THADA: variants seen among roughly 807,000 people sequenced by gnomAD.
THADA encodes the protein THADA armadillo repeat containing, also known as tRNA (32-2'-O)-methyltransferase regulator THADA.
Under a neutral mutation model 219.8 loss-of-function variants are expected in THADA, and 213 were observed. The ratio of observed to expected loss-of-function variants is 0.97; its 90% CI spans 0.87 to 1.09. The LOEUF (loss-of-function observed/expected upper bound fraction) is 1.09. Among genes scored for constraint, THADA ranks in the 50% least tolerant of loss-of-function variants. The pLI is 0.00. For missense variants in THADA, 2,956 were observed against 2,311.3 expected, an observed-to-expected ratio of 1.28 and a Z score of -5.72; for synonymous variants, 1,018 against 828.9, an observed-to-expected ratio of 1.23 and a Z score of -3.92.
chr2:43,465,487 G>C (rs895139807), intron 26 of THADA, among the ~76,000 whole-genome samples: 3 of 152,272 alleles, frequency 2.0e-5, no homozygotes, highest in Admixed American at 6.5e-5. Flanking sequence ...TTGGGAGGAA[G>C]AGCCCACAAA....
At chr2:43,403,921 T>C (rs1211429994) in intron 28 of THADA, among the ~76,000 whole-genome samples, 1 of 152,154 alleles carries the variant, frequency 6.6e-6, no homozygotes. Flanking sequence ...TGTCAGCTCC[T>C]GGGAAATGGT....
chr2:43,255,492 T>G (rs1572793467), intron 36 of THADA, among the ~76,000 whole-genome samples: 1 of 152,316 alleles, frequency 6.6e-6, no homozygotes, highest in East Asian at 1.9e-4. Context: ...TCATTGTTTT[T>G]CACTGCTGTG....
intron 25 of THADA, among the ~76,000 whole-genome samples, chr2:43,487,760 GCTAT>G (rs2105021169): frequency 6.6e-6 from 1 of 152,286 alleles, no homozygotes; most frequent in Admixed American, 6.5e-5. Context: ...GCTAAAAGGT[GCTAT>G]CTATGAACCA....
At chr2:43,314,231 C>T (rs930864180) in intron 31 of THADA, among the ~76,000 whole-genome samples, 8 of 152,104 alleles carry the variant, frequency 5.3e-5, no homozygotes, top group African/African-American at 1.9e-4. Flanking sequence ...TCTATGATTG[C>T]TATGTCATTT....
rs1291065504 is a variant in THADA at position 43,430,220 on chromosome 2, C to T, written c.3919G>A (p.Val1307Ile). 6.5e-7 allele frequency: 1 copy of T among 1,530,716 alleles called. No homozygotes were observed. Among genetic ancestry groups the T allele is most frequent in the Non-Finnish European group, 8.8e-7 (1 of 1,135,754 alleles). 94.8% of individuals were successfully genotyped at this position (1,530,716 alleles called of 1,614,324 possible). A position where few individuals can be genotyped will look rare whatever the true frequency, so the allele number is the denominator to read the frequency against. Residue 1307 changes from valine to isoleucine, a missense_variant, in exon 27 of 38, where the codon GTA becomes ATA. Coordinates refer to ENST00000405975, the MANE Select transcript of THADA (RefSeq NM_022065.5). ...LKQLETVANT[V>I]DSDMGEPNRH... is the part of the protein sequence containing the mutation. ...ACCCAATTCTCTTCTTACCTGTCTA[C>T]TGTATTGGCTACAGTTTCCAACTGT... is the stretch of plus-strand genomic sequence containing the variant.
rs529231173 is a variant in THADA at position 43,584,397 on chromosome 2, T to G, written c.533+2004A>C. 3.0e-4 allele frequency among the ~76,000 whole-genome samples: 45 copies of G among 151,902 alleles called. No homozygotes were observed. In the South Asian group the frequency reaches 9.2e-3, roughly 31 times the overall value. On this transcript the variant is annotated intron_variant, in intron 7 of 37. Coordinates refer to ENST00000405975, the MANE Select transcript of THADA (RefSeq NM_022065.5). Reference sequence around the variant, plus strand: ...ACCAAAGTGGACATTATTAAGCAGTTCAAACGAACAAAATAAAAAGGACAG... The same window carrying G: ...ACCAAAGTGGACATTATTAAGCAGTGCAAACGAACAAAATAAAAAGGACAG...
At chr2:43,373,067 C>T (rs183562855) in intron 29 of THADA, among the ~76,000 whole-genome samples, 1 of 151,854 alleles carries the variant, frequency 6.6e-6, no homozygotes, top group East Asian at 1.9e-4. Flanking sequence ...AATAGGAAAA[C>T]AAAGAGGAAA....
chr2:43,293,456 G>A (rs562708298), intron 31 of THADA, among the ~76,000 whole-genome samples: 4 of 152,092 alleles, frequency 2.6e-5, no homozygotes, highest in South Asian at 4.2e-4. Flanking sequence ...TAGAAAATGC[G>A]TTCCTGGCAC....
chr2:43,272,212 G>C (rs1174980053), intron 36 of THADA, among the ~76,000 whole-genome samples: 1 of 152,238 alleles, frequency 6.6e-6, no homozygotes, highest in East Asian at 1.9e-4. Flanking sequence ...GAGTGGCTAG[G>C]GGAGGAGCGG....
chr2:43,377,912 T>C (rs1671563614), intron 29 of THADA, among the ~76,000 whole-genome samples: 1 of 152,122 alleles, frequency 6.6e-6, no homozygotes, highest in Admixed American at 6.5e-5. Context: ...AGAATTCACA[T>C]TCCAGGAACT....
At chr2:43,396,299 G>A (rs1011439118) in intron 29 of THADA, among the ~76,000 whole-genome samples, 3 of 152,108 alleles carry the variant, frequency 2.0e-5, no homozygotes, top group African/African-American at 7.2e-5. Flanking sequence ...TCTGCTTAGA[G>A]GTCACTTCCT....
chr2:43,456,573 A>G (rs1254640383), intron 26 of THADA, among the ~76,000 whole-genome samples: 1 of 151,814 alleles, frequency 6.6e-6, no homozygotes, highest in Non-Finnish European at 1.5e-5. Flanking sequence ...TTTTTTTTTA[A>G]GCAGAGTCTC....
At chr2:43,553,629 T>C (rs72867043) in intron 17 of THADA, among the ~76,000 whole-genome samples, 4,496 of 152,294 alleles carry the variant, frequency 0.03, 221 homozygotes, top group African/African-American at 0.1. Context: ...GCTAAGACAA[T>C]GCCTAAGAGT....
chr2:43,248,126 C>T (rs1310190190), intron 36 of THADA, among the ~76,000 whole-genome samples: 1 of 102,950 alleles, frequency 9.7e-6, no homozygotes, highest in Non-Finnish European at 1.9e-5. Context: ...CTGCTCCATA[C>T]AGAAATATAT....
chr2:43,544,347 T>C (rs1320632321), intron 20 of THADA, among the ~76,000 whole-genome samples: 1 of 152,238 alleles, frequency 6.6e-6, no homozygotes, highest in East Asian at 1.9e-4. Context: ...AGGATTGACT[T>C]GGCAATGCGG....
rs186227710 is a variant in THADA, at chr2:43,235,686, G to A, written c.5297-2804C>T. Reference sequence around the variant, plus strand: ...TCATCCATCAGCAAAATCAGTATCTGCAGCTCAAGTGACATTCCTGTTGAG... The same window carrying A: ...TCATCCATCAGCAAAATCAGTATCTACAGCTCAAGTGACATTCCTGTTGAG... On this transcript the variant is annotated intron_variant, in intron 36 of 37. Coordinates refer to ENST00000405975, the MANE Select transcript of THADA (RefSeq NM_022065.5). Among the ~76,000 whole-genome samples the A allele has an allele frequency of 3.3e-5, 5 of 152,186 alleles. No homozygotes were observed. In the East Asian group the frequency reaches 7.7e-4, roughly 23 times the overall value.
intron 28 of THADA, among the ~76,000 whole-genome samples, chr2:43,403,012 T>G (rs1476827106): frequency 2.6e-5 from 4 of 152,256 alleles, no homozygotes; most frequent in Non-Finnish European, 5.9e-5. Context: ...GTGCCAGGAC[T>G]GGCTATGTGC....
chr2:43,529,147 G>A (rs1693552042), intron 21 of THADA, among the ~76,000 whole-genome samples: 1 of 150,874 alleles, frequency 6.6e-6, no homozygotes, highest in African/African-American at 2.4e-5. Context: ...TAACAAATAT[G>A]ACTTTTTTTA....
At chr2:43,342,669 T>C (rs1371778798) in intron 30 of THADA, among the ~76,000 whole-genome samples, 3 of 152,248 alleles carry the variant, frequency 2.0e-5, no homozygotes, top group Admixed American at 2.0e-4. Flanking sequence ...CGTAATGCTG[T>C]ACCTACTACA....
Sources: gnomAD v4.1 joint callset for allele counts (sites outside exome capture counted in the v4.1 genomes callset) on GRCh38, gnomAD v4.1.1 for gene constraint, MANE v1.5 for transcripts, NCBI Gene and HGNC (gene_info 2026-07-23, HGNC 2026-07-21) for gene names.